The following RABGAP1L variants were observed in gnomAD, a reference collection of about 807,000 sequenced individuals.
RABGAP1L encodes RAB GTPase activating protein 1 like, also known as rab GTPase-activating protein 1-like.
Under a neutral mutation model 137.7 loss-of-function variants are expected in RABGAP1L, and 63 were observed. That is an observed-to-expected ratio of 0.46 (90% CI 0.37 to 0.56). RABGAP1L has a LOEUF of 0.56. Among genes scored for constraint, RABGAP1L ranks in the 20% least tolerant of loss-of-function variants. The pLI, the probability that RABGAP1L is intolerant of heterozygous loss-of-function variation, is 0.00. For synonymous variants in RABGAP1L, 431 were observed against 433.7 expected, an observed-to-expected ratio of 0.99 and a Z score of 0.08; for missense variants, 1,095 against 1,244.0, an observed-to-expected ratio of 0.88 and a Z score of 1.80.
chr1:174,496,566 T>G (rs1303176896), intron 13 of RABGAP1L, among the ~76,000 whole-genome samples: 1 of 152,168 alleles, frequency 6.6e-6, no homozygotes, highest in African/African-American at 2.4e-5. Flanking sequence ...CAGTAGTGGT[T>G]GCCAAGAAGA....
intron 19 of RABGAP1L, among the ~76,000 whole-genome samples, chr1:174,885,088 T>C (rs1654853702): frequency 6.6e-6 from 1 of 152,204 alleles, no homozygotes; most frequent in Admixed American, 6.5e-5. Flanking sequence ...TCTGTAAAAT[T>C]GGAGTCTGCA....
intron 13 of RABGAP1L, among the ~76,000 whole-genome samples, chr1:174,500,399 G>C (rs1386668847): frequency 6.6e-6 from 1 of 151,940 alleles, no homozygotes. Flanking sequence ...CTTATAAGTG[G>C]AACGCTGTTC....
chr1:174,863,235 A>AAAAAAAAAAG (rs1650560762), intron 19 of RABGAP1L, among the ~76,000 whole-genome samples: 2 of 144,698 alleles, frequency 1.4e-5, no homozygotes, highest in South Asian at 4.4e-4. Flanking sequence ...GTTTGTAGCA[A>AAAAAAAAAAG]AAAAAAAAAA....
intron 13 of RABGAP1L, among the ~76,000 whole-genome samples, chr1:174,586,560 T>C (rs1242133339): frequency 6.6e-6 from 1 of 152,008 alleles, no homozygotes. Flanking sequence ...AAAAATGAAA[T>C]TATTTTTAAA....
At chr1:174,195,616 T>TCTTTCTTTCTTTCTTCCTTC (rs1234228992) in intron 1 of RABGAP1L, among the ~76,000 whole-genome samples, 35 of 57,664 alleles carry the variant, frequency 6.1e-4, no homozygotes, top group South Asian at 1.6e-3. Context: ...TTTCTTTCTT[T>TCTTTCTTTCTTTCTTCCTTC]CTTCCTTCCT....
chr1:174,202,165 C>G (rs1668157548), intron 1 of RABGAP1L, among the ~76,000 whole-genome samples: 1 of 151,892 alleles, frequency 6.6e-6, no homozygotes, highest in African/African-American at 2.4e-5. Context: ...GGTATATACC[C>G]AGTAATGGGA....
At chr1:174,534,376 A>G (rs1438341206) in intron 13 of RABGAP1L, among the ~76,000 whole-genome samples, 1 of 152,146 alleles carries the variant, frequency 6.6e-6, no homozygotes, top group South Asian at 2.1e-4. Flanking sequence ...CTAAAACTAG[A>G]TTAGTACTAA....
intron 11 of RABGAP1L, among the ~76,000 whole-genome samples, chr1:174,340,851 G>A (rs1171600597): frequency 6.6e-6 from 1 of 152,158 alleles, no homozygotes; most frequent in Non-Finnish European, 1.5e-5. Flanking sequence ...TTGCCACATT[G>A]TCTTCCACAA....
intron 13 of RABGAP1L, among the ~76,000 whole-genome samples, chr1:174,503,696 A>AG (rs1213165701): frequency 1.3e-5 from 2 of 151,534 alleles, no homozygotes; most frequent in Non-Finnish European, 2.9e-5. Context: ...TACAAAAAAA[A>AG]TCAGTTGTGT....
intron 14 of RABGAP1L, among the ~76,000 whole-genome samples, chr1:174,674,961 T>A (rs1472812180): frequency 1.3e-5 from 2 of 151,910 alleles, no homozygotes; most frequent in Non-Finnish European, 2.9e-5. Context: ...TAAATTTGTT[T>A]GAGTTCATTG....
chr1:174,566,268 C>G (rs116773070), intron 13 of RABGAP1L, among the ~76,000 whole-genome samples: 3 of 152,060 alleles, frequency 2.0e-5, no homozygotes, highest in Non-Finnish European at 4.4e-5. Flanking sequence ...GGAGAAAGAT[C>G]TGGCTGGAGA....
intron 11 of RABGAP1L, among the ~76,000 whole-genome samples, chr1:174,337,515 G>A (rs1156920271): frequency 6.6e-6 from 1 of 152,168 alleles, no homozygotes; most frequent in Admixed American, 6.6e-5. Context: ...GTATAAAGCA[G>A]TGGAAAATCA....
intron 1 of RABGAP1L, among the ~76,000 whole-genome samples, chr1:174,179,078 A>G (rs1033544930): frequency 6.6e-6 from 1 of 151,972 alleles, no homozygotes; most frequent in Non-Finnish European, 1.5e-5. Flanking sequence ...GTTTTTTTTT[A>G]TTTTTTATTT....
chr1:174,779,290 T>C (rs1222967801), intron 18 of RABGAP1L, among the ~76,000 whole-genome samples: 1 of 152,240 alleles, frequency 6.6e-6, no homozygotes, highest in Non-Finnish European at 1.5e-5. Context: ...AAAGGATGAT[T>C]CTAAACTCTT....
At chr1:174,767,652 A>G (rs1685783532) in intron 18 of RABGAP1L, among the ~76,000 whole-genome samples, 4 of 151,996 alleles carry the variant, frequency 2.6e-5, no homozygotes, top group South Asian at 2.1e-4. Flanking sequence ...TATTGATCTT[A>G]TAACCTGCAA....
At chr1:174,259,628 T>C (rs553541426) in intron 7 of RABGAP1L, among the ~76,000 whole-genome samples, 3 of 152,216 alleles carry the variant, frequency 2.0e-5, no homozygotes, top group South Asian at 2.1e-4. Flanking sequence ...TTTTAAAGAA[T>C]GTATGAAAAC....
intron 13 of RABGAP1L, among the ~76,000 whole-genome samples, chr1:174,436,069 G>A (rs756494449): frequency 5.3e-5 from 8 of 151,996 alleles, no homozygotes; most frequent in African/African-American, 9.7e-5. Context: ...TGGACATTTG[G>A]GTTGGTTCCA....
At position 174,250,587 on chromosome 1, in the gene RABGAP1L, G is replaced by T. The variant is rs143354894; in HGVS notation, c.830G>T (p.Ser277Ile). 103 of 1,613,920 alleles carry T rather than the reference G, an allele frequency of 6.4e-5. No individual in the cohort carries two copies. The African/African-American group carries it at 1.2e-3, about 18-fold the overall frequency. Residue 277 changes from serine (S) to isoleucine (I), a missense_variant, in exon 6 of 26, where the codon AGT becomes ATT. Around this residue, in one of 4 missense-constraint regions of RABGAP1L, gnomAD observed 112 missense variants for 157.3 expected, o/e 0.71. Coordinates refer to ENST00000681986, the MANE Select transcript of RABGAP1L (RefSeq NM_001366446.1). ...CCCGACAGTGATGTGTTTACCTTCA[G>T]TGTCTCCTTGGAGGTAAAAGAAGAC... is the stretch of plus-strand genomic sequence containing the variant. ...PTPDSDVFTF[S>I]VSLEVKEDDG...
chr1:174,940,015 G>A (rs950129747), intron 19 of RABGAP1L, among the ~76,000 whole-genome samples: 10 of 152,186 alleles, frequency 6.6e-5, no homozygotes, highest in Admixed American at 5.9e-4. Flanking sequence ...CCAACTGTAA[G>A]TAAGGCAGAA....
Sources: allele counts gnomAD v4.1 joint callset (sites outside exome capture counted in the v4.1 genomes callset), GRCh38; gene constraint gnomAD v4.1.1; regional missense constraint gnomAD v4.1.1; transcripts MANE v1.5; gene names NCBI Gene and HGNC (gene_info 2026-07-23, HGNC 2026-07-21).